Variants in RRN3 observed in about 807,000 individuals in gnomAD.
RRN3 encodes RNA polymerase I transcription factor RRN3.
Under a neutral mutation model 82.3 loss-of-function variants are expected in RRN3, and 38 were observed. The observed-to-expected ratio is 0.46, with a 90% CI of 0.36 to 0.61. The LOEUF (loss-of-function observed/expected upper bound fraction) is 0.61. Among genes scored for constraint, RRN3 ranks in the 20% least tolerant of loss-of-function variants. RRN3 has a pLI of 0.00. For missense variants in RRN3, 726 were observed against 793.1 expected (o/e 0.92, Z 1.02); for synonymous variants, 284 against 284.3 (o/e 1.00, Z 0.01).
chr16:15,088,640 A>C (rs2046001021), intron 3 of RRN3, among the ~76,000 whole-genome samples: 1 of 152,060 alleles, frequency 6.6e-6, no homozygotes, highest in African/African-American at 2.4e-5. Flanking sequence ...AGAGAAAGTG[A>C]TGCTTCAGCT....
intron 10 of RRN3, among the ~76,000 whole-genome samples, chr16:15,075,958 A>G (rs1433731060): frequency 6.6e-6 from 1 of 152,224 alleles, no homozygotes; most frequent in African/African-American, 2.4e-5. Context: ...CCTTAGAACC[A>G]ATGACTGATT....
intron 3 of RRN3, among the ~76,000 whole-genome samples, chr16:15,089,475 A>G (rs2046032523): frequency 6.6e-6 from 1 of 152,098 alleles, no homozygotes; most frequent in African/African-American, 2.4e-5. Flanking sequence ...ACCAAATTTA[A>G]GATCAAGAAA....
In RRN3 at chr16:15,061,057, T is replaced by C. The variant is rs2044692858; in HGVS notation, c.*687A>G. On this transcript the variant is annotated 3_prime_UTR_variant, in exon 18 of 18. Transcript: ENST00000198767. The stretch of plus-strand genomic sequence containing the variant: ...ATCCATTTTTTCGCTGTGCCAAGTA[T>C]ATTACACATCTGATTCTGTTTCCCT... 6.6e-6 allele frequency: 1 copy of C among 152,236 alleles called. No individual in the cohort carries two copies. Among genetic ancestry groups the C allele is most frequent in the African/African-American group, 2.4e-5 (1 of 41,450 alleles). The allele number at this position is 152,236 out of a possible 1,614,324, so 9.4% of individuals were successfully genotyped here. A position where few individuals can be genotyped will look rare whatever the true frequency, so the allele number is the denominator to read the frequency against.
In RRN3 at chr16:15,071,103, G is replaced by A; in HGVS notation, c.1259+18C>T. The A allele has an allele frequency of 6.3e-7, 1 of 1,589,828 alleles. No individual in the cohort carries two copies. On this transcript the variant is annotated intron_variant, in intron 13 of 17. Coordinates refer to ENST00000198767, the MANE Select transcript of RRN3 (RefSeq NM_018427.5). ...AAAGCATGATATTAAAAAGTATTCG[G>A]AAAATTAGGCTACTTACATAAGAGG... is the stretch of plus-strand genomic sequence containing the variant.
At chr16:15,084,066 G>C (rs1372156012) in intron 7 of RRN3, among the ~76,000 whole-genome samples, 1 of 152,214 alleles carries the variant, frequency 6.6e-6, no homozygotes, top group Non-Finnish European at 1.5e-5. Context: ...TAACGACTTA[G>C]AGAAAATAAG....
chr16:15,075,804 G>A lies in RRN3; in HGVS notation c.858+754C>T, dbSNP rs557694394. ...CACCATGGCGGGTGCTTTTGGTGCC[G>A]GGCCCCCTTTTGCAGGTCGGGATAT... On this transcript the variant is annotated intron_variant, in intron 10 of 17. Coordinates refer to ENST00000198767, the MANE Select transcript of RRN3 (RefSeq NM_018427.5). Among the ~76,000 whole-genome samples the A allele has an allele frequency of 1.3e-3, 202 of 152,122 alleles. 1 individual carries two copies. Among genetic ancestry groups the A allele is most frequent in the African/African-American group, 4.6e-3 (191 of 41,488 alleles).
At chr16:15,074,891 T>TA in intron 10 of RRN3, 30 bp from the exon 11 acceptor site, 1 of 1,584,514 alleles carries the variant, frequency 6.3e-7, no homozygotes, top group Non-Finnish European at 8.6e-7. Context: ...ATACTAACAT[T>TA]AAAAAATTCA....
chr16:15,071,484 G>A (rs1597905992), intron 12 of RRN3, among the ~76,000 whole-genome samples: 4 of 152,224 alleles, frequency 2.6e-5, no homozygotes, highest in Middle Eastern at 3.4e-3. Context: ...CAATCAACCC[G>A]GGGCCAGGCA....
intron 6 of RRN3, among the ~76,000 whole-genome samples, chr16:15,085,060 T>A (rs2045864625): frequency 6.6e-6 from 1 of 151,700 alleles, no homozygotes; most frequent in South Asian, 2.1e-4. Flanking sequence ...AGCGAGACTC[T>A]GTCTCAAAAA....
chr16:15,083,985 G>A (rs2045810127), intron 7 of RRN3, among the ~76,000 whole-genome samples: 1 of 152,196 alleles, frequency 6.6e-6, no homozygotes, highest in Admixed American at 6.5e-5. Flanking sequence ...CAAAGTGCTG[G>A]GATTACAGGC....
In RRN3 at chr16:15,061,054, G is replaced by C. The variant is rs1049950300; in HGVS notation, c.*690C>G. 1 of 152,186 alleles carries C rather than the reference G, an allele frequency of 6.6e-6. No homozygotes were observed. The highest frequency in any genetic ancestry group is 1.5e-5 in the Non-Finnish European group (1 of 68,052). The allele number at this position is 152,186 out of a possible 1,614,324, so 9.4% of individuals were successfully genotyped here. A position where few individuals can be genotyped will look rare whatever the true frequency, so the allele number is the denominator to read the frequency against. On this transcript the variant is annotated 3_prime_UTR_variant, in exon 18 of 18. Transcript: ENST00000198767. Reference sequence around the variant, plus strand: ...TAAATCCATTTTTTCGCTGTGCCAAGTATATTACACATCTGATTCTGTTTC... The same window carrying C: ...TAAATCCATTTTTTCGCTGTGCCAACTATATTACACATCTGATTCTGTTTC...
chr16:15,082,965 T>G (rs1488379745), intron 8 of RRN3, among the ~76,000 whole-genome samples: 1 of 152,204 alleles, frequency 6.6e-6, no homozygotes, highest in Non-Finnish European at 1.5e-5. Context: ...CAGATATTCC[T>G]GAAATGAACT....
intron 8 of RRN3, among the ~76,000 whole-genome samples, chr16:15,082,050 T>A (rs2045727781): frequency 1.3e-5 from 2 of 152,246 alleles, no homozygotes; most frequent in South Asian, 4.1e-4. Flanking sequence ...TAAAATCACC[T>A]TGCAAAAGAG....
chr16:15,065,038 T>C (rs1284252168), intron 16 of RRN3, among the ~76,000 whole-genome samples, 181 bp downstream of exon 16: 1 of 151,794 alleles, frequency 6.6e-6, no homozygotes, highest in Non-Finnish European at 1.5e-5. Flanking sequence ...TGGCAGTGGG[T>C]GCCTGTAGTC....
At chr16:15,086,070 A>C in intron 5 of RRN3, 59 bp downstream of exon 5, 1 of 1,494,056 alleles carries the variant, frequency 6.7e-7, no homozygotes, top group Non-Finnish European at 9.1e-7. Context: ...TATAAGGGGA[A>C]GGTAGTATTT....
intron 8 of RRN3, among the ~76,000 whole-genome samples, chr16:15,080,659 G>C (rs989009097): frequency 6.6e-6 from 1 of 152,104 alleles, no homozygotes; most frequent in Non-Finnish European, 1.5e-5. Flanking sequence ...TTCAACTCCT[G>C]GATCTTCCCA....
At chr16:15,089,280 G>C (rs1196431308) in intron 3 of RRN3, among the ~76,000 whole-genome samples, 5 of 151,908 alleles carry the variant, frequency 3.3e-5, no homozygotes, top group Admixed American at 2.0e-4. Flanking sequence ...GACAGAGCAA[G>C]ACTCTGTTCT....
chr16:15,070,950 C>T (rs771113393), intron 13 of RRN3, among the ~76,000 whole-genome samples, 171 bp downstream of exon 13: 20 of 152,102 alleles, frequency 1.3e-4, no homozygotes, highest in Non-Finnish European at 2.1e-4. Flanking sequence ...AAAAAGGAGA[C>T]ACTTTATTCT....
chr16:15,064,198 C>G (rs1387754007), intron 16 of RRN3, among the ~76,000 whole-genome samples: 1 of 151,660 alleles, frequency 6.6e-6, no homozygotes. Context: ...TTTTCTGAGA[C>G]AGAGTCTCAC....
Sources: allele counts gnomAD v4.1 joint callset (sites outside exome capture counted in the v4.1 genomes callset), GRCh38; gene constraint gnomAD v4.1.1; transcripts MANE v1.5; gene names NCBI Gene and HGNC (gene_info 2026-07-23, HGNC 2026-07-21).